Variants in IL1RAPL2 observed in about 807,000 individuals in gnomAD.
IL1RAPL2 encodes interleukin 1 receptor accessory protein like 2.
IL1RAPL2 carries 3 observed loss-of-function variants against 44.1 expected under a neutral mutation model. The ratio of observed to expected loss-of-function variants is 0.07; its 90% CI spans 0.03 to 0.18. The LOEUF is 0.18. Among genes scored for constraint, IL1RAPL2 ranks in the 10% least tolerant of loss-of-function variants. IL1RAPL2 has a pLI of 1.00. For missense variants in IL1RAPL2, 391 were observed against 496.4 expected (o/e 0.79, Z 2.02); for synonymous variants, 181 against 178.8 (o/e 1.01, Z -0.10).
At chrX:104,873,528 G>A (rs887730274) in intron 2 of IL1RAPL2, among the ~76,000 whole-genome samples, 6 of 111,751 alleles carry the variant, frequency 5.4e-5, no homozygotes, top group African/African-American at 1.9e-4. Context: ...TTTTCTGGAG[G>A]TTGACTGCAG....
chrX:104,945,391 A>G (rs1312973734), intron 2 of IL1RAPL2, among the ~76,000 whole-genome samples: 3 of 111,360 alleles, frequency 2.7e-5, no homozygotes, highest in African/African-American at 9.8e-5. Context: ...GGATAAGACT[A>G]TTATCCTACT....
chrX:104,654,903 G>A (rs1032096877), intron 1 of IL1RAPL2, among the ~76,000 whole-genome samples: 3 of 110,965 alleles, frequency 2.7e-5, no homozygotes, highest in African/African-American at 9.8e-5. Context: ...CTTGTAAGTT[G>A]GATTCCTAGG....
chrX:105,554,311 A>T (rs1318049617), intron 6 of IL1RAPL2, among the ~76,000 whole-genome samples: 3 of 111,551 alleles, frequency 2.7e-5, no homozygotes, highest in East Asian at 2.8e-4. Context: ...CTACTATAAA[A>T]TTTTTCTTTT....
rs7885609 is a variant in IL1RAPL2 at position 105,241,946 on chromosome X, G to A, written c.543+7942G>A. Reference sequence around the variant, plus strand: ...TTTTGCATGTAAAACTCTTTCTTCAGTAGTCTCAATTACATGTTAGAATCT... The same window carrying A: ...TTTTGCATGTAAAACTCTTTCTTCAATAGTCTCAATTACATGTTAGAATCT... On this transcript the variant is annotated intron_variant, in intron 4 of 10. Coordinates refer to ENST00000372582, the MANE Select transcript of IL1RAPL2 (RefSeq NM_017416.2). 4.1e-3 allele frequency among the ~76,000 whole-genome samples: 456 copies of A among 111,980 alleles called. 2 individuals carry two copies. Among genetic ancestry groups the A allele is most frequent in the African/African-American group, 0.014 (424 of 30,843 alleles).
Position 104,901,111 on chromosome X carries a change from A to G in IL1RAPL2, c.82+242116A>G, listed in dbSNP as rs547094572. 1.4e-3 allele frequency among the ~76,000 whole-genome samples: 157 copies of G among 109,319 alleles called. 1 individual carries two copies. Among genetic ancestry groups the G allele is most frequent in the African/African-American group, 4.9e-3 (146 of 30,043 alleles). 94.9% of individuals were successfully genotyped at this position (109,319 alleles called of 115,157 possible). A position where few individuals can be genotyped will look rare whatever the true frequency, so the allele number is the denominator to read the frequency against. ...TCCTTTGTTTGTTCATTCAATATTA[A>G]TATACCTCAGTTAATGACCCAGGAT... On this transcript the variant is annotated intron_variant, in intron 2 of 10. Coordinates refer to ENST00000372582, the MANE Select transcript of IL1RAPL2 (RefSeq NM_017416.2).
intron 2 of IL1RAPL2, among the ~76,000 whole-genome samples, chrX:104,747,398 C>A (rs767908148): frequency 1.8e-5 from 2 of 111,356 alleles, no homozygotes; most frequent in African/African-American, 6.5e-5. Context: ...GTCTGCCAAC[C>A]AGAACATATT....
intron 3 of IL1RAPL2, among the ~76,000 whole-genome samples, chrX:105,203,530 AG>A (rs1296703495): frequency 9.4e-6 from 1 of 106,579 alleles, no homozygotes; most frequent in Non-Finnish European, 2.0e-5. Context: ...TATAAAAAAA[AG>A]TGTTGTCTGC....
At chrX:105,323,873 CACACACACACACACACACACACAG>C (rs1326833316) in intron 5 of IL1RAPL2, among the ~76,000 whole-genome samples, 2 of 81,018 alleles carry the variant, frequency 2.5e-5, no homozygotes, top group African/African-American at 1.2e-4. Flanking sequence ...GAGACTCTGT[CACACACACACACACACACACACAG>C]ACACACACAC....
intron 6 of IL1RAPL2, among the ~76,000 whole-genome samples, chrX:105,644,199 A>G (rs750982013): frequency 9.0e-6 from 1 of 111,596 alleles, no homozygotes; most frequent in East Asian, 2.8e-4. Context: ...CCAAGAGCAC[A>G]TGATTTTAAA....
chrX:104,894,600 C>T (rs1208921531), intron 2 of IL1RAPL2, among the ~76,000 whole-genome samples: 2 of 112,267 alleles, frequency 1.8e-5, no homozygotes, highest in Non-Finnish European at 3.8e-5. Flanking sequence ...CTTGTGCATT[C>T]ATCATGTAGT....
intron 6 of IL1RAPL2, among the ~76,000 whole-genome samples, chrX:105,575,506 T>C (rs1217176127): frequency 8.9e-6 from 1 of 112,375 alleles, no homozygotes; most frequent in Admixed American, 9.5e-5. Context: ...CATGATCTCA[T>C]TCTCCTTTAT....
chrX:105,747,492 ATGTGTGTGTGTGTG>A (rs748769479), intron 8 of IL1RAPL2, among the ~76,000 whole-genome samples: 5 of 59,631 alleles, frequency 8.4e-5, no homozygotes, highest in Admixed American at 2.0e-4. Context: ...GTGTGTGTGT[ATGTGTGTGTGTGTG>A]TGTGTGTGTG....
intron 1 of IL1RAPL2, among the ~76,000 whole-genome samples, chrX:104,618,688 G>A (rs765069776): frequency 9.0e-6 from 1 of 111,389 alleles, no homozygotes; most frequent in Admixed American, 9.5e-5. Context: ...GTGTGTAGCA[G>A]AGAGGGCCCT....
chrX:105,596,946 A>G (rs1171281552), intron 6 of IL1RAPL2, among the ~76,000 whole-genome samples: 1 of 112,161 alleles, frequency 8.9e-6, no homozygotes, highest in African/African-American at 3.2e-5. Flanking sequence ...AGCACAGGCA[A>G]TAAAAGCAAA....
At chrX:105,213,522 G>A (rs192087020) in intron 3 of IL1RAPL2, among the ~76,000 whole-genome samples, 1 of 110,848 alleles carries the variant, frequency 9.0e-6, no homozygotes, top group African/African-American at 3.3e-5. Context: ...TGAAAGTGAC[G>A]GGGAGAATGG....
intron 6 of IL1RAPL2, among the ~76,000 whole-genome samples, chrX:105,573,241 A>G (rs568523492): frequency 5.4e-5 from 6 of 110,415 alleles, no homozygotes; most frequent in African/African-American, 2.0e-4. Flanking sequence ...GTATTTTTTG[A>G]AGAAGCAGGG....
At chrX:104,622,610 T>C (rs921353068) in intron 1 of IL1RAPL2, among the ~76,000 whole-genome samples, 7 of 111,300 alleles carry the variant, frequency 6.3e-5, no homozygotes, top group Non-Finnish European at 1.9e-5. Flanking sequence ...CTTGCCTTAC[T>C]TCACTGAGGA....
chrX:104,713,324 G>A (rs6621860), intron 2 of IL1RAPL2, among the ~76,000 whole-genome samples: 1 of 110,440 alleles, frequency 9.1e-6, no homozygotes, highest in East Asian at 2.9e-4. Context: ...CTCCCCTGCA[G>A]AAATGAGAGA....
chrX:105,236,776 C>G (rs1262407232), intron 4 of IL1RAPL2, among the ~76,000 whole-genome samples: 1 of 111,980 alleles, frequency 8.9e-6, no homozygotes, highest in Non-Finnish European at 1.9e-5. Flanking sequence ...CTTTTTCAGT[C>G]AGTATTTGGA....
Sources: allele counts gnomAD v4.1 joint callset (sites outside exome capture counted in the v4.1 genomes callset), GRCh38; gene constraint gnomAD v4.1.1; transcripts MANE v1.5; gene names NCBI Gene and HGNC (gene_info 2026-07-23, HGNC 2026-07-21).